FNIP1: variants seen among roughly 807,000 people sequenced by gnomAD.
FNIP1 encodes the protein folliculin-interacting protein 1.
A neutral mutation model predicts 124.5 loss-of-function variants in FNIP1; 40 were observed. That is an observed-to-expected ratio of 0.32 (90% CI 0.25 to 0.42). The LOEUF (loss-of-function observed/expected upper bound fraction) is 0.42, where lower values mean the gene tolerates loss of function less well. FNIP1 is among the 10% of genes least tolerant of loss of function. The pLI is 1.00. For missense variants in FNIP1, 1,176 were observed against 1,403.7 expected, an observed-to-expected ratio of 0.84 and a Z score of 2.59; for synonymous variants, 472 against 470.6, an observed-to-expected ratio of 1.00 and a Z score of -0.04.
At chr5:131,775,740 C>A (rs1323375938) in intron 1 of FNIP1, among the ~76,000 whole-genome samples, 2 of 151,948 alleles carry the variant, frequency 1.3e-5, no homozygotes, top group Non-Finnish European at 2.9e-5. Context: ...GTTAGCCAGG[C>A]TGGTCTCAAA....
intron 15 of FNIP1, among the ~76,000 whole-genome samples, chr5:131,657,755 A>AAAAAAAAAAAAAAAAG (rs1271142457): frequency 6.7e-6 from 1 of 149,504 alleles, no homozygotes; most frequent in African/African-American, 2.5e-5. Context: ...AAAAAAAAAA[A>AAAAAAAAAAAAAAAAG]AAACGGTGGG....
intron 11 of FNIP1, among the ~76,000 whole-genome samples, chr5:131,687,315 A>G (rs922513843): frequency 6.6e-6 from 1 of 152,090 alleles, no homozygotes; most frequent in East Asian, 1.9e-4. Context: ...CATGTTGCCC[A>G]GGCTGGTCTT....
At chr5:131,654,243 A>T (rs143147063) in intron 15 of FNIP1, among the ~76,000 whole-genome samples, 2 of 152,224 alleles carry the variant, frequency 1.3e-5, no homozygotes, top group African/African-American at 2.4e-5. Flanking sequence ...ACAGATAGTG[A>T]CCCTACCTTT....
intron 8 of FNIP1, among the ~76,000 whole-genome samples, chr5:131,708,912 A>G (rs1769202681): frequency 6.6e-6 from 1 of 151,624 alleles, no homozygotes; most frequent in Non-Finnish European, 1.5e-5. Flanking sequence ...TTTTTTTACT[A>G]CAGTTTCTAA....
intron 11 of FNIP1, among the ~76,000 whole-genome samples, chr5:131,681,908 C>T (rs1409301355): frequency 2.0e-5 from 3 of 151,922 alleles, no homozygotes; most frequent in Admixed American, 1.3e-4. Flanking sequence ...ACCCATATAT[C>T]ATGGCAGAAA....
chr5:131,762,095 G>A (rs1470420048), intron 1 of FNIP1, among the ~76,000 whole-genome samples: 1 of 151,978 alleles, frequency 6.6e-6, no homozygotes, highest in African/African-American at 2.4e-5. Flanking sequence ...CACCATACAC[G>A]AAAATTAAAT....
At chr5:131,693,347 T>C (rs1368192590) in intron 11 of FNIP1, among the ~76,000 whole-genome samples, 19 of 127,242 alleles carry the variant, frequency 1.5e-4, no homozygotes, top group South Asian at 4.9e-4. Flanking sequence ...TATATATATA[T>C]ATATATATAT....
Position 131,778,710 on chromosome 5 carries a change from G to A in FNIP1, c.92+18120C>T, listed in dbSNP as rs530528414. 9.0e-5 allele frequency among the ~76,000 whole-genome samples: 8 copies of A among 88,686 alleles called. No individual in the cohort carries two copies. The South Asian group carries it at 2.2e-3, about 25-fold the overall frequency. 58.2% of individuals were successfully genotyped at this position (88,686 alleles called of 152,430 possible). On this transcript the variant is annotated intron_variant, in intron 1 of 17. Coordinates refer to ENST00000510461, the MANE Select transcript of FNIP1 (RefSeq NM_133372.3). ...ACACATGCACACGTATGTTTATTGC[G>A]GCATTATTCACAATAGCAAAGACTT...
At chr5:131,755,210 G>T (rs1219632456) in intron 1 of FNIP1, among the ~76,000 whole-genome samples, 1 of 151,896 alleles carries the variant, frequency 6.6e-6, no homozygotes, top group Non-Finnish European at 1.5e-5. Context: ...CTCCTGAGAT[G>T]AGGAGTTTGA....
intron 15 of FNIP1, among the ~76,000 whole-genome samples, chr5:131,669,917 C>CAAA (rs11440510): frequency 7.5e-6 from 1 of 132,588 alleles, no homozygotes. Context: ...TACAATGAGT[C>CAAA]AAAAAAAAAA....
chr5:131,759,763 G>T (rs974283403), intron 1 of FNIP1, among the ~76,000 whole-genome samples: 2 of 152,046 alleles, frequency 1.3e-5, no homozygotes, highest in African/African-American at 4.8e-5. Flanking sequence ...AAAATAAATT[G>T]TTGTACAAAA....
intron 11 of FNIP1, among the ~76,000 whole-genome samples, chr5:131,696,569 G>A (rs1018056422): frequency 7.9e-5 from 12 of 151,916 alleles, no homozygotes; most frequent in Admixed American, 3.3e-4. Flanking sequence ...CCTAAAAAAT[G>A]ATTTATAAAG....
chr5:131,685,180 G>C (rs977564042), intron 11 of FNIP1, among the ~76,000 whole-genome samples: 5 of 152,004 alleles, frequency 3.3e-5, no homozygotes, highest in Non-Finnish European at 7.4e-5. Flanking sequence ...ATCCCTTGAG[G>C]ACAAGAGTTC....
chr5:131,655,174 C>T (rs936670562), intron 15 of FNIP1, among the ~76,000 whole-genome samples: 5 of 151,932 alleles, frequency 3.3e-5, no homozygotes, highest in African/African-American at 1.2e-4. Flanking sequence ...CCTAGAAATA[C>T]GGAAAATAAG....
intron 1 of FNIP1, among the ~76,000 whole-genome samples, chr5:131,775,014 C>T (rs752519924): frequency 3.3e-5 from 5 of 152,244 alleles, no homozygotes; most frequent in Non-Finnish European, 7.4e-5. Context: ...CATATTGCTT[C>T]GGTATTAAGG....
chr5:131,731,626 A>C (rs533135563), intron 2 of FNIP1, among the ~76,000 whole-genome samples: 1 of 151,442 alleles, frequency 6.6e-6, no homozygotes, highest in African/African-American at 2.4e-5. Flanking sequence ...TGGGTGACAG[A>C]GTGAGACTCT....
At chr5:131,777,776 G>A (rs1021696818) in intron 1 of FNIP1, among the ~76,000 whole-genome samples, 3 of 151,872 alleles carry the variant, frequency 2.0e-5, no homozygotes, top group Non-Finnish European at 4.4e-5. Flanking sequence ...CTCAAAGTGT[G>A]GTCCCTACAC....
chr5:131,677,807 G>A lies in FNIP1; in HGVS notation c.1415C>T (p.Pro472Leu). The change falls in exon 13 of 18, where the codon CCA becomes CTA. Residue 472 changes from proline (P) to leucine (L), a missense_variant. This residue lies in a region of FNIP1 where 1,109 missense variants were observed against 1,288.5 expected (regional missense o/e 0.86). Coordinates refer to ENST00000510461, the MANE Select transcript of FNIP1 (RefSeq NM_133372.3). ...TATTTTTATAGGTGGTTGTCCATTT[G>A]GCATGACTGTTGGAACCCAGGCAAG... ...NHLAWVPTVM[P>L]NGQPPIKIFL... 1 of 1,614,078 alleles carries A rather than the reference G, an allele frequency of 6.2e-7. No homozygotes were observed. Among genetic ancestry groups the A allele is most frequent in the Non-Finnish European group, 8.5e-7 (1 of 1,179,992 alleles).
intron 1 of FNIP1, among the ~76,000 whole-genome samples, chr5:131,766,877 C>T (rs1771442515): frequency 2.0e-5 from 3 of 152,120 alleles, no homozygotes; most frequent in Non-Finnish European, 4.4e-5. Context: ...ATTTCCTCTG[C>T]CTTTTTTTTG....
Sources: gnomAD v4.1 joint callset for allele counts (sites outside exome capture counted in the v4.1 genomes callset) on GRCh38, gnomAD v4.1.1 for gene constraint, gnomAD v4.1.1 regional missense constraint, MANE v1.5 for transcripts, NCBI Gene and HGNC (gene_info 2026-07-23, HGNC 2026-07-21) for gene names.